The following MARCHF1 variants were observed in gnomAD, a reference collection of about 807,000 sequenced individuals.
The protein encoded by MARCHF1 is membrane associated ring-CH-type finger 1, also known as E3 ubiquitin-protein ligase MARCHF1.
A neutral mutation model predicts 54.2 loss-of-function variants in MARCHF1; 40 were observed. The observed-to-expected ratio is 0.74, with a 90% CI of 0.57 to 0.96. The LOEUF is 0.96. Ranked by LOEUF, MARCHF1 falls within the 40% of genes least tolerant of loss-of-function variation. The probability of loss-of-function intolerance (pLI) is 0.00; values close to 1 mark genes in which losing one functional copy is unlikely to be tolerated. For synonymous variants in MARCHF1, 236 were observed against 236.3 expected (o/e 1.00, Z 0.01); for missense variants, 586 against 656.5 (o/e 0.89, Z 1.17).
At chr4:163,813,242 G>T (rs1748443623) in intron 4 of MARCHF1, among the ~76,000 whole-genome samples, 2 of 152,110 alleles carry the variant, frequency 1.3e-5, no homozygotes, top group African/African-American at 4.8e-5. Flanking sequence ...AGAGGTAATG[G>T]GTAGAGGAGC....
At chr4:164,269,673 A>T (rs1371972778) in intron 1 of MARCHF1, among the ~76,000 whole-genome samples, 3 of 152,028 alleles carry the variant, frequency 2.0e-5, no homozygotes, top group African/African-American at 7.2e-5. Context: ...AATTTCTGTA[A>T]CAGTGCAATT....
chr4:164,099,809 TA>T (rs1755499837), intron 2 of MARCHF1, among the ~76,000 whole-genome samples: 1 of 152,186 alleles, frequency 6.6e-6, no homozygotes, highest in Non-Finnish European at 1.5e-5. Flanking sequence ...TAAATGCCTT[TA>T]AAAGCTGTGA....
chr4:164,241,808 C>A (rs928334999), intron 1 of MARCHF1, among the ~76,000 whole-genome samples: 4 of 152,208 alleles, frequency 2.6e-5, no homozygotes, highest in African/African-American at 4.8e-5. Context: ...GGCATTGCCT[C>A]ACTTGGGAAG....
intron 1 of MARCHF1, among the ~76,000 whole-genome samples, chr4:164,211,148 T>C (rs1731757960): frequency 6.6e-6 from 1 of 151,836 alleles, no homozygotes; most frequent in African/African-American, 2.4e-5. Context: ...TCACAGAGAA[T>C]GATGATCATA....
chr4:163,601,260 A>G (rs1303381715), intron 7 of MARCHF1, among the ~76,000 whole-genome samples: 1 of 151,904 alleles, frequency 6.6e-6, no homozygotes, highest in Non-Finnish European at 1.5e-5. Flanking sequence ...TTTGGTAGCA[A>G]CAAACACTGT....
At chr4:164,162,324 G>A (rs1000282935) in intron 1 of MARCHF1, among the ~76,000 whole-genome samples, 5 of 152,070 alleles carry the variant, frequency 3.3e-5, no homozygotes, top group African/African-American at 1.2e-4. Flanking sequence ...AGGTGGACAT[G>A]GAGACACCAA....
intron 2 of MARCHF1, among the ~76,000 whole-genome samples, chr4:164,071,086 G>T (rs1754854103): frequency 2.0e-5 from 3 of 151,990 alleles, no homozygotes; most frequent in African/African-American, 7.2e-5. Flanking sequence ...ACCTTTTTTT[G>T]TTCCCAGTTT....
chr4:164,224,722 A>C (rs1732203781), intron 1 of MARCHF1, among the ~76,000 whole-genome samples: 1 of 152,076 alleles, frequency 6.6e-6, no homozygotes, highest in African/African-American at 2.4e-5. Flanking sequence ...ACAACAATTA[A>C]GTTTATAAAT....
intron 5 of MARCHF1, among the ~76,000 whole-genome samples, chr4:163,645,437 C>G (rs79017737): frequency 6.6e-6 from 1 of 152,292 alleles, no homozygotes; most frequent in East Asian, 1.9e-4. Context: ...AATGGAGACT[C>G]CAGCAAACGA....
chr4:164,075,832 A>G (rs780513571), intron 2 of MARCHF1, among the ~76,000 whole-genome samples: 2 of 152,088 alleles, frequency 1.3e-5, no homozygotes, highest in Non-Finnish European at 1.5e-5. Context: ...GCTGATATGA[A>G]CTCATGGCAT....
chr4:164,319,177 A>T (rs1243993208), intron 1 of MARCHF1, among the ~76,000 whole-genome samples: 1 of 152,156 alleles, frequency 6.6e-6, no homozygotes, highest in Non-Finnish European at 1.5e-5. Context: ...TCTTGTCATT[A>T]TTCCCTAAAC....
chr4:163,816,631 T>C (rs977365202), intron 4 of MARCHF1, among the ~76,000 whole-genome samples: 1 of 152,166 alleles, frequency 6.6e-6, no homozygotes, highest in Non-Finnish European at 1.5e-5. Flanking sequence ...ATATATTTAT[T>C]TGATTCTGAC....
At chr4:164,108,151 T>C (rs994123221) in intron 2 of MARCHF1, among the ~76,000 whole-genome samples, 3 of 152,222 alleles carry the variant, frequency 2.0e-5, no homozygotes, top group African/African-American at 7.2e-5. Flanking sequence ...CTGCCTAACA[T>C]GGAATCAAGA....
chr4:164,092,255 C>G (rs888109293), intron 2 of MARCHF1, among the ~76,000 whole-genome samples: 9 of 152,150 alleles, frequency 5.9e-5, no homozygotes, highest in Non-Finnish European at 1.2e-4. Flanking sequence ...CTGGAATAGA[C>G]ACTTATTCTG....
chr4:163,924,517 G>C (rs1334135215), intron 3 of MARCHF1, among the ~76,000 whole-genome samples: 2 of 152,040 alleles, frequency 1.3e-5, no homozygotes, highest in Non-Finnish European at 2.9e-5. Context: ...CAGTGGTTGA[G>C]CTGCAGGTGA....
chr4:164,274,677 T>A (rs1055965872), intron 1 of MARCHF1, among the ~76,000 whole-genome samples: 2 of 123,614 alleles, frequency 1.6e-5, no homozygotes, highest in African/African-American at 6.2e-5. Context: ...TTTTTTTTTT[T>A]TTTTTTTTTT....
At chr4:164,344,405 T>C (rs534438183) in intron 1 of MARCHF1, among the ~76,000 whole-genome samples, 1 of 152,288 alleles carries the variant, frequency 6.6e-6, no homozygotes, top group African/African-American at 2.4e-5. Context: ...TGTTTATTGA[T>C]CAGTATTTCC....
rs533451862 is a variant in MARCHF1, at chr4:164,350,813, G to A, written c.-323+33057C>T. On this transcript the variant is annotated intron_variant, in intron 1 of 9. Coordinates refer to ENST00000514618, the MANE Select transcript of MARCHF1 (RefSeq NM_001394959.1). The stretch of plus-strand genomic sequence containing the variant: ...GTCTACAGCTCCCAGCGTGAGCGAC[G>A]CAGAAGATGGGTGATTTCTGCATTT... Among the ~76,000 whole-genome samples the A allele has an allele frequency of 2.6e-4, 40 of 152,108 alleles. No individual in the cohort carries two copies. The South Asian group carries it at 2.7e-3, about 10-fold the overall frequency.
intron 5 of MARCHF1, among the ~76,000 whole-genome samples, chr4:163,663,429 C>CT (rs1422853703): frequency 6.6e-6 from 1 of 151,934 alleles, no homozygotes; most frequent in African/African-American, 2.4e-5. Flanking sequence ...GGAGATTTTT[C>CT]TTTTCTTTTT....
Sources: gnomAD v4.1 joint callset for allele counts (sites outside exome capture counted in the v4.1 genomes callset) on GRCh38, gnomAD v4.1.1 for gene constraint, MANE v1.5 for transcripts, NCBI Gene and HGNC (gene_info 2026-07-23, HGNC 2026-07-21) for gene names.